The following CLCN4 variants were observed in gnomAD, a reference collection of about 807,000 sequenced individuals.
The protein encoded by CLCN4 is Cl-/H+ antiporter 4, also known as H(+)/Cl(-) exchange transporter 4.
CLCN4 carries 1 observed loss-of-function variant against 41.7 expected under a neutral mutation model. The observed-to-expected ratio is 0.02, with a 90% confidence interval of 0.01 to 0.11. The LOEUF (loss-of-function observed/expected upper bound fraction) is 0.11, where lower values mean the gene tolerates loss of function less well. CLCN4 is among the 10% of genes least tolerant of loss of function. The probability of loss-of-function intolerance (pLI) is 1.00; values close to 1 mark genes in which losing one functional copy is unlikely to be tolerated. For missense variants in CLCN4, 287 were observed against 661.0 expected, an observed-to-expected ratio of 0.43 and a Z score of 6.20; for synonymous variants, 277 against 285.8, an observed-to-expected ratio of 0.97 and a Z score of 0.31.
chrX:10,224,503 T>C (rs903035533), intron 12 of CLCN4, among the ~76,000 whole-genome samples: 1 of 110,759 alleles, frequency 9.0e-6, no homozygotes, highest in Non-Finnish European at 1.9e-5. Context: ...GAGCTTGTTA[T>C]CTACTAAAGA....
intron 2 of CLCN4, among the ~76,000 whole-genome samples, chrX:10,167,068 G>T (rs765431602): frequency 7.5e-4 from 85 of 112,673 alleles, no homozygotes; most frequent in Admixed American, 2.4e-3. Flanking sequence ...GGGAGGAAGT[G>T]GGAGGAGGAA....
intron 2 of CLCN4, among the ~76,000 whole-genome samples, chrX:10,173,889 T>C (rs1413135906): frequency 8.9e-6 from 1 of 112,192 alleles, no homozygotes; most frequent in Non-Finnish European, 1.9e-5. Context: ...GGTCTCTGGC[T>C]TGTTTGTTTT....
chrX:10,225,581 A>G (rs190316719), intron 12 of CLCN4, among the ~76,000 whole-genome samples: 1 of 112,047 alleles, frequency 8.9e-6, no homozygotes, highest in Non-Finnish European at 1.9e-5. Context: ...TGCTGTGCAG[A>G]AGCTCTTTAG....
chrX:10,163,943 G>A (rs1040716385), intron 2 of CLCN4, among the ~76,000 whole-genome samples: 5 of 112,661 alleles, frequency 4.4e-5, no homozygotes, highest in African/African-American at 1.6e-4. Context: ...ATGTCCCCTG[G>A]GGGTCAGTAT....
intron 12 of CLCN4, among the ~76,000 whole-genome samples, chrX:10,231,254 C>T (rs974330493): frequency 2.7e-5 from 3 of 111,956 alleles, no homozygotes; most frequent in Middle Eastern, 4.6e-3. Context: ...TATCCAGTCA[C>T]CTACTAAAGA....
At chrX:10,181,923 G>C (rs905318871) in intron 2 of CLCN4, among the ~76,000 whole-genome samples, 1 of 112,034 alleles carries the variant, frequency 8.9e-6, no homozygotes, top group Non-Finnish European at 1.9e-5. Flanking sequence ...AGGATCTGCT[G>C]TTGAAGAACT....
At chrX:10,176,752 A>G (rs953370672) in intron 2 of CLCN4, among the ~76,000 whole-genome samples, 11 of 112,345 alleles carry the variant, frequency 9.8e-5, no homozygotes, top group African/African-American at 3.2e-4. Context: ...TAATAGAGCA[A>G]GTTGGCAAAT....
intron 9 of CLCN4, among the ~76,000 whole-genome samples, chrX:10,209,372 T>G (rs140449051): frequency 2.1e-5 from 1 of 48,061 alleles, no homozygotes; most frequent in South Asian, 1.8e-3. Flanking sequence ...CCCTTTCCCC[T>G]TTCCCCCTTC....
At chrX:10,181,599 G>T (rs1923686690) in intron 2 of CLCN4, among the ~76,000 whole-genome samples, 1 of 111,182 alleles carries the variant, frequency 9.0e-6, no homozygotes, top group Non-Finnish European at 1.9e-5. Flanking sequence ...GTCAAACATG[G>T]ATAACCATGA....
intron 12 of CLCN4, among the ~76,000 whole-genome samples, chrX:10,223,893 T>C: frequency 8.9e-6 from 1 of 112,208 alleles, no homozygotes; most frequent in East Asian, 2.8e-4. Context: ...TTGAATTATG[T>C]CCTTGGTCAT....
At chrX:10,227,289 G>A (rs960763128) in intron 12 of CLCN4, among the ~76,000 whole-genome samples, 7 of 111,247 alleles carry the variant, frequency 6.3e-5, no homozygotes, top group African/African-American at 2.3e-4. Flanking sequence ...CAAGCAGAAT[G>A]AAAGACAAAA....
chrX:10,173,460 G>A (rs756826), intron 2 of CLCN4, among the ~76,000 whole-genome samples: 2 of 109,692 alleles, frequency 1.8e-5, no homozygotes, highest in African/African-American at 6.7e-5. Flanking sequence ...CACGTGGTTC[G>A]GCTGCGCACC....
intron 6 of CLCN4, among the ~76,000 whole-genome samples, chrX:10,202,879 A>G (rs999638812): frequency 4.5e-5 from 5 of 111,230 alleles, no homozygotes; most frequent in Non-Finnish European, 9.4e-5. Flanking sequence ...TATTTATCGG[A>G]AAGAGTTCTG....
At chrX:10,211,265 C>CAA (rs71774120) in intron 9 of CLCN4, among the ~76,000 whole-genome samples, 5,725 of 47,869 alleles carry the variant, frequency 0.12, 748 homozygotes, top group South Asian at 0.27. Context: ...GATTCCGTCT[C>CAA]AAAAAAAAAA....
chrX:10,209,732 GTGTTAAAATCATT>G lies in CLCN4; in HGVS notation c.1389+1156_1389+1168del, dbSNP rs772015634. On this transcript the variant is annotated intron_variant, in intron 9 of 12. Transcript: ENST00000380833. ...GAGACAGCTGGTTTCCTCTTTCATT[GTGTTAAAATCATT>G]TGTTAAAATCATTATGTTAAAATAC... Among the ~76,000 whole-genome samples, 11 of 110,945 alleles carry G rather than the reference GTGTTAAAATCATT, an allele frequency of 9.9e-5. No homozygotes were observed. The East Asian group carries it at 3.1e-3, about 32-fold the overall frequency.
chrX:10,211,265 C>CAAAAAAAAA (rs71774120), intron 9 of CLCN4, among the ~76,000 whole-genome samples: 5 of 48,790 alleles, frequency 1.0e-4, no homozygotes, highest in Non-Finnish European at 1.3e-4. Context: ...GATTCCGTCT[C>CAAAAAAAAA]AAAAAAAAAA....
chrX:10,165,804 C>T (rs1343368811), intron 2 of CLCN4, among the ~76,000 whole-genome samples: 2 of 112,057 alleles, frequency 1.8e-5, no homozygotes, highest in Non-Finnish European at 3.8e-5. Context: ...AGCTTAGTCA[C>T]GCATCACACC....
chrX:10,197,212 C>T (rs1258631430), intron 5 of CLCN4, among the ~76,000 whole-genome samples: 2 of 112,594 alleles, frequency 1.8e-5, no homozygotes, highest in African/African-American at 6.5e-5. Flanking sequence ...AAACCTTCTC[C>T]ATACATCAGA....
intron 6 of CLCN4, among the ~76,000 whole-genome samples, chrX:10,200,270 G>A (rs1473768407): frequency 2.7e-5 from 3 of 112,310 alleles, no homozygotes; most frequent in Non-Finnish European, 3.8e-5. Context: ...CAATCCTCCC[G>A]CCTTGGCCTC....
Sources: gnomAD v4.1 joint callset for allele counts (sites outside exome capture counted in the v4.1 genomes callset) on GRCh38, gnomAD v4.1.1 for gene constraint, MANE v1.5 for transcripts, NCBI Gene and HGNC (gene_info 2026-07-23, HGNC 2026-07-21) for gene names.